ASTN2: variants seen among roughly 807,000 people sequenced by gnomAD.
ASTN2 encodes the protein astrotactin-2.
In ASTN2, 54 loss-of-function variants were observed where a neutral mutation model predicts 139.8. That is an observed-to-expected ratio of 0.39 (90% CI 0.31 to 0.48). The LOEUF (loss-of-function observed/expected upper bound fraction) is 0.48. Among genes scored for constraint, ASTN2 ranks in the 20% least tolerant of loss-of-function variants. ASTN2 has a pLI of 0.95. For missense variants in ASTN2, 1,565 were observed against 1,725.1 expected, an observed-to-expected ratio of 0.91 and a Z score of 1.64; for synonymous variants, 756 against 719.5, an observed-to-expected ratio of 1.05 and a Z score of -0.81.
chr9:117,201,973 TAA>T lies in ASTN2; in HGVS notation c.1015+12383_1015+12384del, dbSNP rs550909849. 4.6e-5 allele frequency among the ~76,000 whole-genome samples: 7 copies of T among 152,338 alleles called. No homozygotes were observed. In the South Asian group the frequency reaches 1.5e-3, roughly 32 times the overall value. On this transcript the variant is annotated intron_variant, in intron 3 of 22. Transcript: ENST00000313400. ...CTCCCACTATTATTGTGTGGGAGTCTAAGTCTCATCATAGGTCTCTAAGAACT... is the reference window on the plus strand; with the variant it reads ...CTCCCACTATTATTGTGTGGGAGTCTGTCTCATCATAGGTCTCTAAGAACT...
intron 16 of ASTN2, among the ~76,000 whole-genome samples, chr9:116,706,579 A>T (rs2132088869): frequency 6.6e-6 from 1 of 151,988 alleles, no homozygotes; most frequent in South Asian, 2.1e-4. Flanking sequence ...TTTCATATCT[A>T]TTTGGTCCTA....
intron 1 of ASTN2, among the ~76,000 whole-genome samples, chr9:117,382,654 T>C (rs529122926): frequency 1.2e-4 from 19 of 152,260 alleles, no homozygotes; most frequent in African/African-American, 4.6e-4. Flanking sequence ...CTATTAGTAG[T>C]GACTGCTTTG....
rs188980982 is a variant in ASTN2, at chr9:117,256,129, T to C, written c.630+35197A>G. ...GCAGGGCAGAGATGACTGTTTTCTC[T>C]GTTTGATGATGCGGAATGGGGAGTG... is the stretch of plus-strand genomic sequence containing the variant. On this transcript the variant is annotated intron_variant, in intron 2 of 22. Transcript: ENST00000313400. 2.5e-3 allele frequency among the ~76,000 whole-genome samples: 385 copies of C among 152,320 alleles called. 3 individuals carry two copies. The highest frequency in any genetic ancestry group is 4.4e-3 in the Non-Finnish European group (296 of 68,026).
intron 21 of ASTN2, among the ~76,000 whole-genome samples, chr9:116,441,648 G>T (rs1265587642): frequency 6.6e-6 from 1 of 152,130 alleles, no homozygotes; most frequent in Non-Finnish European, 1.5e-5. Flanking sequence ...GCCATCTGCA[G>T]AAATGTCTGT....
At position 116,668,195 on chromosome 9, in the gene ASTN2, CTTTTTT is replaced by C. The variant is rs35261157; in HGVS notation, c.2807-16408_2807-16403del. On this transcript the variant is annotated intron_variant, in intron 16 of 22. Transcript: ENST00000313400. ...ATACAGTATATAGATTTCAGATTGG[CTTTTTT>C]TTTTTTTTTTGAGACAGTCTCACTC... Among the ~76,000 whole-genome samples the C allele has an allele frequency of 1.5e-4, 21 of 137,500 alleles. 1 individual carries two copies. The highest frequency in any genetic ancestry group is 3.7e-3 in the Middle Eastern group (1 of 270). 90.2% of individuals were successfully genotyped at this position (137,500 alleles called of 152,430 possible).
chr9:116,711,687 C>T (rs1828166986), intron 16 of ASTN2, among the ~76,000 whole-genome samples: 1 of 152,154 alleles, frequency 6.6e-6, no homozygotes, highest in Non-Finnish European at 1.5e-5. Flanking sequence ...CACTCAGGCC[C>T]TTAAGTCAGA....
At chr9:116,516,974 G>T (rs10983211) in intron 19 of ASTN2, among the ~76,000 whole-genome samples, 51 of 152,196 alleles carry the variant, frequency 3.4e-4, no homozygotes, top group African/African-American at 1.1e-3. Flanking sequence ...CCCCACACAA[G>T]GACAGGCTGA....
chr9:117,304,093 A>C (rs1467308587), intron 1 of ASTN2, among the ~76,000 whole-genome samples: 1 of 152,228 alleles, frequency 6.6e-6, no homozygotes, highest in African/African-American at 2.4e-5. Context: ...GGCTGACCAC[A>C]GATGCAGGAG....
intron 10 of ASTN2, among the ~76,000 whole-genome samples, chr9:116,929,776 C>A (rs1834849484): frequency 6.6e-6 from 1 of 152,196 alleles, no homozygotes; most frequent in African/African-American, 2.4e-5. Flanking sequence ...TTTTCCCCTT[C>A]TATTTCTTCC....
chr9:116,502,738 T>G (rs112571368), intron 19 of ASTN2, among the ~76,000 whole-genome samples: 2,179 of 13,340 alleles, frequency 0.16, 166 homozygotes, highest in East Asian at 0.37. Context: ...AAGGAATGAA[T>G]GAATGAATGA....
intron 16 of ASTN2, among the ~76,000 whole-genome samples, chr9:116,669,085 C>T (rs1258396088): frequency 1.3e-5 from 2 of 152,126 alleles, no homozygotes; most frequent in East Asian, 1.9e-4. Flanking sequence ...CAGGGTCAGG[C>T]GGAAGCTATT....
chr9:117,060,588 G>GC (rs1839259214), intron 5 of ASTN2, among the ~76,000 whole-genome samples: 2 of 150,434 alleles, frequency 1.3e-5, no homozygotes, highest in Admixed American at 6.6e-5. Context: ...AAGAAGGCAG[G>GC]AAGGAAGGAA....
intron 17 of ASTN2, among the ~76,000 whole-genome samples, chr9:116,632,164 G>GAGAGAGAGAGAGAC (rs1856790227): frequency 2.9e-5 from 1 of 33,964 alleles, no homozygotes; most frequent in African/African-American, 1.4e-4. Flanking sequence ...GAGACAGAGA[G>GAGAGAGAGAGAGAC]AGAGAGAGAG....
intron 2 of ASTN2, among the ~76,000 whole-genome samples, chr9:117,270,993 A>G (rs575764870): frequency 1.3e-5 from 2 of 152,322 alleles, no homozygotes; most frequent in African/African-American, 4.8e-5. Context: ...ATACTTTCAA[A>G]TGGACACTCA....
chr9:117,053,940 T>C (rs1564403163), intron 5 of ASTN2, among the ~76,000 whole-genome samples: 1 of 151,906 alleles, frequency 6.6e-6, no homozygotes. Context: ...ACTAACATTT[T>C]AGCAAAACCA....
At chr9:116,928,732 C>T (rs892974565) in intron 10 of ASTN2, among the ~76,000 whole-genome samples, 4 of 149,500 alleles carry the variant, frequency 2.7e-5, no homozygotes, top group African/African-American at 9.9e-5. Context: ...TTGTCAGGTA[C>T]AGGGTAAAAA....
chr9:116,852,948 C>T (rs1378104966), intron 11 of ASTN2, among the ~76,000 whole-genome samples: 2 of 148,696 alleles, frequency 1.3e-5, no homozygotes, highest in African/African-American at 2.5e-5. Context: ...AGTCAGTTGT[C>T]CTAAAAAGAA....
intron 16 of ASTN2, among the ~76,000 whole-genome samples, chr9:116,676,111 A>G (rs1466802509): frequency 6.6e-6 from 1 of 152,196 alleles, no homozygotes; most frequent in Non-Finnish European, 1.5e-5. Flanking sequence ...CCACAGCTAT[A>G]GCACAAGAGA....
Position 117,374,938 on chromosome 9 carries a change from G to A in ASTN2, c.442+39559C>T, listed in dbSNP as rs938805028. Among the ~76,000 whole-genome samples the A allele has an allele frequency of 7.9e-5, 12 of 152,216 alleles. 1 individual carries two copies. Among genetic ancestry groups the A allele is most frequent in the African/African-American group, 2.9e-4 (12 of 41,530 alleles). Reference sequence around the variant, plus strand: ...ATTTCAGATCCTGCTCAGCTTCTGTGGTTCCCCACCCTGTCTTTTTCCAGT... The same window carrying A: ...ATTTCAGATCCTGCTCAGCTTCTGTAGTTCCCCACCCTGTCTTTTTCCAGT... On this transcript the variant is annotated intron_variant, in intron 1 of 22. Coordinates refer to ENST00000313400, the MANE Select transcript of ASTN2 (RefSeq NM_001365068.1).
Sources: gnomAD v4.1 joint callset for allele counts (sites outside exome capture counted in the v4.1 genomes callset) on GRCh38, gnomAD v4.1.1 for gene constraint, MANE v1.5 for transcripts, NCBI Gene and HGNC (gene_info 2026-07-23, HGNC 2026-07-21) for gene names.